Variants in C1orf21 observed in about 807,000 individuals in gnomAD.
C1orf21 encodes the protein uncharacterized protein C1orf21.
C1orf21 carries 3 observed loss-of-function variants against 18.7 expected under a neutral mutation model. The ratio of observed to expected loss-of-function variants is 0.16; its 90% CI spans 0.07 to 0.42. The LOEUF (loss-of-function observed/expected upper bound fraction) is 0.42, where lower values mean the gene tolerates loss of function less well. C1orf21 is among the 10% of genes least tolerant of loss of function. The pLI is 0.99. For missense variants in C1orf21, 104 were observed against 143.6 expected (o/e 0.72, Z 1.41); for synonymous variants, 41 against 46.4 (o/e 0.88, Z 0.47).
chr1:184,572,321 T>G (rs1420438409), intron 3 of C1orf21, among the ~76,000 whole-genome samples: 1 of 152,140 alleles, frequency 6.6e-6, no homozygotes, highest in Non-Finnish European at 1.5e-5. Flanking sequence ...CATACAATTA[T>G]TTGAGAGAGG....
chr1:184,526,828 A>T (rs1449053644), intron 3 of C1orf21, among the ~76,000 whole-genome samples: 1 of 152,106 alleles, frequency 6.6e-6, no homozygotes. Flanking sequence ...TCACTCCCTC[A>T]ACAAGTATTT....
intron 1 of C1orf21, among the ~76,000 whole-genome samples, chr1:184,407,385 T>G (rs1394575876): frequency 6.6e-6 from 1 of 152,204 alleles, no homozygotes; most frequent in Non-Finnish European, 1.5e-5. Flanking sequence ...GGTACCTAAA[T>G]GGTATTTACC....
intron 1 of C1orf21, among the ~76,000 whole-genome samples, chr1:184,470,945 T>A (rs1052220135): frequency 8.6e-5 from 13 of 151,664 alleles, no homozygotes; most frequent in African/African-American, 3.1e-4. Flanking sequence ...CTTTGACCAC[T>A]GAGGAGCAAA....
At chr1:184,501,188 A>G (rs1024729652) in intron 2 of C1orf21, among the ~76,000 whole-genome samples, 3 of 152,134 alleles carry the variant, frequency 2.0e-5, no homozygotes, top group Non-Finnish European at 2.9e-5. Flanking sequence ...AGGCCATATC[A>G]CCTTCAGAAT....
At chr1:184,497,766 A>C (rs1284299449) in intron 2 of C1orf21, among the ~76,000 whole-genome samples, 3 of 152,212 alleles carry the variant, frequency 2.0e-5, no homozygotes, top group African/African-American at 7.2e-5. Flanking sequence ...TGTATAACCC[A>C]GATAAAGTCA....
chr1:184,403,254 A>G (rs1357889438), intron 1 of C1orf21, among the ~76,000 whole-genome samples: 1 of 152,256 alleles, frequency 6.6e-6, no homozygotes, highest in African/African-American at 2.4e-5. Context: ...ATATGAAACA[A>G]TAGTAAGAGT....
At chr1:184,479,498 C>T (rs953909659) in intron 2 of C1orf21, among the ~76,000 whole-genome samples, 4 of 151,996 alleles carry the variant, frequency 2.6e-5, no homozygotes, top group Non-Finnish European at 5.9e-5. Context: ...CACAGAGAGA[C>T]GGACTTGTCC....
At chr1:184,453,010 A>G (rs1382236777) in intron 1 of C1orf21, among the ~76,000 whole-genome samples, 3 of 152,180 alleles carry the variant, frequency 2.0e-5, no homozygotes, top group Non-Finnish European at 4.4e-5. Flanking sequence ...TCCAGAGGCA[A>G]TTGGTCTGAA....
At chr1:184,554,976 C>T (rs1290928097) in intron 3 of C1orf21, among the ~76,000 whole-genome samples, 1 of 152,208 alleles carries the variant, frequency 6.6e-6, no homozygotes, top group Non-Finnish European at 1.5e-5. Context: ...AGAGTAGCCT[C>T]TATCAGCCCC....
chr1:184,467,949 G>A (rs1300855313), intron 1 of C1orf21, among the ~76,000 whole-genome samples: 3 of 151,774 alleles, frequency 2.0e-5, no homozygotes, highest in Non-Finnish European at 4.4e-5. Flanking sequence ...AAAATACTGG[G>A]TATTCTCTGT....
intron 2 of C1orf21, among the ~76,000 whole-genome samples, chr1:184,492,236 CCA>C (rs1383712653): frequency 1.3e-5 from 2 of 152,178 alleles, no homozygotes; most frequent in African/African-American, 2.4e-5. Flanking sequence ...TTGGATTCTG[CCA>C]CAGAGTAACC....
chr1:184,496,126 G>T (rs914428811), intron 2 of C1orf21, among the ~76,000 whole-genome samples: 1 of 152,038 alleles, frequency 6.6e-6, no homozygotes, highest in Admixed American at 6.6e-5. Context: ...CAGGTAACAG[G>T]TTATTTGCAT....
intron 3 of C1orf21, among the ~76,000 whole-genome samples, chr1:184,540,872 G>C (rs1027143931): frequency 1.3e-5 from 2 of 152,166 alleles, no homozygotes; most frequent in African/African-American, 4.8e-5. Flanking sequence ...CATCATACCA[G>C]TTTTTTCTCC....
At chr1:184,388,629 CTT>C (rs200576878) in intron 1 of C1orf21, among the ~76,000 whole-genome samples, 2 of 143,558 alleles carry the variant, frequency 1.4e-5, no homozygotes, top group Admixed American at 7.0e-5. Context: ...TCTTTCTTTT[CTT>C]TTTTTTTTTT....
intron 3 of C1orf21, among the ~76,000 whole-genome samples, chr1:184,579,559 G>A (rs1659248283): frequency 7.0e-6 from 1 of 142,426 alleles, no homozygotes; most frequent in Non-Finnish European, 1.5e-5. Flanking sequence ...CGCCCAGGCT[G>A]GAGTGCAGTG....
intron 3 of C1orf21, among the ~76,000 whole-genome samples, chr1:184,537,932 A>C (rs1205694011): frequency 3.3e-5 from 5 of 152,148 alleles, no homozygotes; most frequent in Non-Finnish European, 7.4e-5. Context: ...TGCAGGAGTG[A>C]GCTACCGCAC....
intron 1 of C1orf21, among the ~76,000 whole-genome samples, chr1:184,460,352 G>A (rs1309927463): frequency 6.6e-6 from 1 of 152,174 alleles, no homozygotes; most frequent in Non-Finnish European, 1.5e-5. Context: ...ATAAAATGAA[G>A]CTTCAGTAGA....
At position 184,508,954 on chromosome 1, in the gene C1orf21, G is replaced by A. The variant is rs188340680; in HGVS notation, c.189+1272G>A. Among the ~76,000 whole-genome samples the A allele has an allele frequency of 8.3e-4, 127 of 152,282 alleles. 2 individuals are homozygous for A. Among genetic ancestry groups the A allele is most frequent in the Non-Finnish European group, 1.9e-4 (13 of 68,016 alleles). On this transcript the variant is annotated intron_variant, in intron 3 of 5. Transcript: ENST00000235307. ...TTGAATGGATAAATCGAAGACCTGA[G>A]TATTGAAATATCAGTAGTCATTTTT...
intron 3 of C1orf21, among the ~76,000 whole-genome samples, chr1:184,525,119 G>C (rs1280481795): frequency 6.6e-6 from 1 of 150,804 alleles, no homozygotes; most frequent in East Asian, 1.9e-4. Flanking sequence ...TACCTGCAGG[G>C]ATAAACAGAA....
Sources: allele counts gnomAD v4.1 joint callset (sites outside exome capture counted in the v4.1 genomes callset), GRCh38; gene constraint gnomAD v4.1.1; transcripts MANE v1.5; gene names NCBI Gene and HGNC (gene_info 2026-07-23, HGNC 2026-07-21).